PDE3B: variants seen among roughly 807,000 people sequenced by gnomAD.
PDE3B encodes phosphodiesterase 3B.
A neutral mutation model predicts 116.8 loss-of-function variants in PDE3B; 66 were observed. That is an observed-to-expected ratio of 0.56 (90% CI 0.46 to 0.69). PDE3B has a LOEUF of 0.69. Among genes scored for constraint, PDE3B ranks in the 30% least tolerant of loss-of-function variants. PDE3B has a pLI of 0.00. For synonymous variants in PDE3B, 595 were observed against 533.6 expected, an observed-to-expected ratio of 1.12 and a Z score of -1.59; for missense variants, 1,384 against 1,368.1, an observed-to-expected ratio of 1.01 and a Z score of -0.18.
intron 14 of PDE3B, among the ~76,000 whole-genome samples, chr11:14,862,577 C>T (rs533526632): frequency 4.3e-4 from 65 of 152,126 alleles, no homozygotes; most frequent in Non-Finnish European, 7.5e-4. Flanking sequence ...CTCTTTTGTT[C>T]TTAAATCTTT....
rs1853298690 is a variant in PDE3B, at chr11:14,644,293, C to A, written c.218C>A (p.Ser73Tyr). ...TCTCCCCAGCAGCCGCGGCGCTGCT[C>A]CCCCTTCTGCCGGGCGCGCCTCTCG... ...PASPQQPRRC[S>Y]PFCRARLSLG... Residue 73 changes from serine to tyrosine, a missense_variant, in exon 1 of 16, where the codon TCC becomes TAC. Around this residue, in one of 2 missense-constraint regions of PDE3B, gnomAD observed 956 missense variants for 806.8 expected, o/e 1.18. Coordinates refer to ENST00000282096, the MANE Select transcript of PDE3B (RefSeq NM_000922.4). 1.3e-6 allele frequency: 2 copies of A among 1,563,600 alleles called. No individual in the cohort carries two copies. The highest frequency in any genetic ancestry group is 1.8e-4 in the Middle Eastern group (1 of 5,694).
rs139772242 is a variant in PDE3B at position 14,861,331 on chromosome 11, T to C, written c.2851T>C (p.Trp951Arg). Reference sequence around the variant, plus strand: ...AAAAGTTCGAGACTTGCATTTGAAATGGACAGAAGGCATTGTCAATGAATT... The same window carrying C: ...AAAAGTTCGAGACTTGCATTTGAAACGGACAGAAGGCATTGTCAATGAATT... Reference protein sequence around the residue: ...PAKVRDLHLKWTEGIVNEFYE... With the variant: ...PAKVRDLHLKRTEGIVNEFYE... Residue 951 changes from tryptophan to arginine, a missense_variant, in exon 14 of 16, where the codon TGG (tryptophan) becomes CGG (arginine). This residue lies in a region of PDE3B where 428 missense variants were observed against 561.4 expected (regional missense o/e 0.76). Transcript: ENST00000282096. 1 of 1,613,706 alleles carries C rather than the reference T, an allele frequency of 6.2e-7. No homozygotes were observed. The highest frequency in any genetic ancestry group is 1.3e-5 in the African/African-American group (1 of 74,916).
At chr11:14,869,022 A>G (rs540552532) in intron 15 of PDE3B, among the ~76,000 whole-genome samples, 213 of 150,174 alleles carry the variant, frequency 1.4e-3, no homozygotes, top group African/African-American at 4.9e-3. Flanking sequence ...CTCCGTCTCA[A>G]AAAAAAAAAA....
chr11:14,721,433 C>G (rs1020331484), intron 1 of PDE3B, among the ~76,000 whole-genome samples: 2 of 150,818 alleles, frequency 1.3e-5, no homozygotes, highest in Admixed American at 6.6e-5. Flanking sequence ...GGTATATACC[C>G]AAAGGACTAT....
intron 1 of PDE3B, among the ~76,000 whole-genome samples, chr11:14,681,025 A>T (rs778729017): frequency 6.6e-6 from 1 of 152,188 alleles, no homozygotes; most frequent in Non-Finnish European, 1.5e-5. Flanking sequence ...AGCCAAAAAC[A>T]TATTTTTGGC....
chr11:14,656,416 T>C (rs1853718247), intron 1 of PDE3B, among the ~76,000 whole-genome samples: 1 of 152,216 alleles, frequency 6.6e-6, no homozygotes, highest in Non-Finnish European at 1.5e-5. Flanking sequence ...CTTATTGTCA[T>C]TTCTTATAAT....
rs529647008 is a variant in PDE3B at position 14,870,856 on chromosome 11, C to T, written c.*1196C>T. 6.6e-4 allele frequency: 101 copies of T among 152,166 alleles called. No individual in the cohort carries two copies. Among genetic ancestry groups the T allele is most frequent in the African/African-American group, 2.2e-3 (91 of 41,514 alleles). The allele number at this position is 152,166 out of a possible 1,614,324, so 9.4% of individuals were successfully genotyped here. On this transcript the variant is annotated 3_prime_UTR_variant, in exon 16 of 16. Coordinates refer to ENST00000282096, the MANE Select transcript of PDE3B (RefSeq NM_000922.4). This position sits in a 1 kb window ranked among gnomAD's most constrained non-coding sequence, Gnocchi z 4.1. ...AAATGTGTTAATAAATCATTTCATACAAAAGTACATTATTAAATAACCACA... is the reference window on the plus strand; with the variant it reads ...AAATGTGTTAATAAATCATTTCATATAAAAGTACATTATTAAATAACCACA...
chr11:14,891,849 C>T, the PDE3B span: 1 of 1,413,896 alleles, frequency 7.1e-7, no homozygotes, highest in African/African-American at 1.4e-5. Context: ...GGGTGTCCCT[C>T]AAAGGGCAGC....
At chr11:14,697,255 A>G (rs759663380) in intron 1 of PDE3B, among the ~76,000 whole-genome samples, 6 of 152,210 alleles carry the variant, frequency 3.9e-5, no homozygotes, top group Non-Finnish European at 7.4e-5. Flanking sequence ...ACTTTTAGAT[A>G]TGTGATCTAG....
chr11:14,833,011 C>T lies in PDE3B; in HGVS notation c.2206+178C>T, dbSNP rs545386145. 8.6e-5 allele frequency among the ~76,000 whole-genome samples: 13 copies of T among 151,422 alleles called. No individual in the cohort carries two copies. The South Asian group carries it at 1.5e-3, about 17-fold the overall frequency. On this transcript the variant is annotated intron_variant, in intron 10 of 15. Transcript: ENST00000282096. The stretch of plus-strand genomic sequence containing the variant: ...TGTCGTCCAGGCTGGAGTGCAATGG[C>T]GCGATCTTGGCCCACTGCAACCTCC...
intron 4 of PDE3B, among the ~76,000 whole-genome samples, chr11:14,798,519 T>C (rs1228856547): frequency 1.3e-5 from 2 of 152,238 alleles, no homozygotes; most frequent in Non-Finnish European, 2.9e-5. Flanking sequence ...CTAGCTCCTC[T>C]TTGTACCTGT....
chr11:14,677,788 GC>G lies in PDE3B; in HGVS notation c.978+32736del, dbSNP rs553763668. Among the ~76,000 whole-genome samples the G allele has an allele frequency of 2.3e-3, 346 of 152,264 alleles. 1 individual carries two copies. The highest frequency in any genetic ancestry group is 2.2e-3 in the Non-Finnish European group (148 of 68,026). ...TTGATGTCATAAGTGAAATCACACAGCATGTAACCTTTTGAGACTGGCTACT... is the reference window on the plus strand; with the variant it reads ...TTGATGTCATAAGTGAAATCACACAGATGTAACCTTTTGAGACTGGCTACT... On this transcript the variant is annotated intron_variant, in intron 1 of 15. Transcript: ENST00000282096.
intron 1 of PDE3B, among the ~76,000 whole-genome samples, chr11:14,713,897 G>A (rs1341035134): frequency 2.0e-5 from 3 of 152,134 alleles, no homozygotes; most frequent in Non-Finnish European, 4.4e-5. Flanking sequence ...AGAGGAAATA[G>A]GGTATGTGAT....
chr11:14,680,535 T>C (rs1284182345), intron 1 of PDE3B, among the ~76,000 whole-genome samples: 3 of 152,228 alleles, frequency 2.0e-5, no homozygotes, highest in Non-Finnish European at 4.4e-5. Context: ...TTTGTATTGC[T>C]GTCTCATGGC....
chr11:14,756,975 C>A (rs1413033341), intron 1 of PDE3B, among the ~76,000 whole-genome samples: 4 of 134,506 alleles, frequency 3.0e-5, no homozygotes, highest in Admixed American at 7.8e-5. Context: ...ACCACAGTCC[C>A]CAGAGTGTGA....
At chr11:14,679,220 T>A (rs1696321209) in intron 1 of PDE3B, among the ~76,000 whole-genome samples, 1 of 152,164 alleles carries the variant, frequency 6.6e-6, no homozygotes, top group Non-Finnish European at 1.5e-5. Flanking sequence ...CAGAAACATT[T>A]TAGAATCAGC....
intron 5 of PDE3B, among the ~76,000 whole-genome samples, chr11:14,813,478 C>G (rs1859218086): frequency 6.6e-6 from 1 of 152,160 alleles, no homozygotes; most frequent in African/African-American, 2.4e-5. Flanking sequence ...GTCTGCCTCT[C>G]TCTTTTACTT....
chr11:14,779,469 C>T (rs1857900694), intron 2 of PDE3B, among the ~76,000 whole-genome samples: 2 of 152,232 alleles, frequency 1.3e-5, no homozygotes, highest in Non-Finnish European at 2.9e-5. Context: ...CAGCGGATCT[C>T]TCGGCAGAAA....
intron 12 of PDE3B, among the ~76,000 whole-genome samples, chr11:14,857,213 T>C (rs1005603101): frequency 6.6e-6 from 1 of 152,214 alleles, no homozygotes; most frequent in African/African-American, 2.4e-5. Context: ...CAAGATGCTT[T>C]AGCACAAAGT....
Sources: allele counts gnomAD v4.1 joint callset (sites outside exome capture counted in the v4.1 genomes callset), GRCh38; gene constraint gnomAD v4.1.1; regional missense constraint gnomAD v4.1.1; non-coding constraint Gnocchi (gnomAD v3.1); transcripts MANE v1.5; gene names NCBI Gene and HGNC (gene_info 2026-07-23, HGNC 2026-07-21).